CERS6: variants seen among roughly 807,000 people sequenced by gnomAD.
CERS6 encodes the protein LAG1 homolog, ceramide synthase 6.
In CERS6, 26 loss-of-function variants were observed where a neutral mutation model predicts 56.8. That is an observed-to-expected ratio of 0.46 (90% confidence interval 0.34 to 0.63). The LOEUF is 0.63. Ranked by LOEUF, CERS6 falls within the 30% of genes least tolerant of loss-of-function variation. The probability of loss-of-function intolerance (pLI) is 0.01; values close to 1 mark genes in which losing one functional copy is unlikely to be tolerated. For missense variants in CERS6, 415 were observed against 467.5 expected (o/e 0.89, Z 1.04); for synonymous variants, 164 against 173.3 (o/e 0.95, Z 0.42).
rs552878785 is a variant in CERS6, at chr2:168,649,776, C to A, written c.465+18734C>A. Among the ~76,000 whole-genome samples the A allele has an allele frequency of 5.9e-5, 9 of 151,878 alleles. No individual in the cohort carries two copies. The South Asian group carries it at 1.2e-3, about 21-fold the overall frequency. On this transcript the variant is annotated intron_variant, in intron 4 of 9. Coordinates refer to ENST00000305747, the MANE Select transcript of CERS6 (RefSeq NM_203463.3). ...TCTTCCCTCCCCTCCTCCCTCTGGG[C>A]TATCCCAAGTCCCTGCCCTCCCCTA...
At chr2:168,681,788 C>A (rs578168932) in intron 4 of CERS6, among the ~76,000 whole-genome samples, 1 of 152,162 alleles carries the variant, frequency 6.6e-6, no homozygotes, top group Non-Finnish European at 1.5e-5. Context: ...GGCTAACCCC[C>A]TCCCCTTACC....
At chr2:168,593,844 C>G (rs1013521580) in intron 3 of CERS6, among the ~76,000 whole-genome samples, 3 of 152,210 alleles carry the variant, frequency 2.0e-5, no homozygotes, top group African/African-American at 7.2e-5. Context: ...GAACCCTAAA[C>G]TAAGTCTCCT....
At chr2:168,659,964 T>C (rs1685586390) in intron 4 of CERS6, among the ~76,000 whole-genome samples, 1 of 152,206 alleles carries the variant, frequency 6.6e-6, no homozygotes, top group African/African-American at 2.4e-5. Context: ...TATTTTATAC[T>C]AAAGAGAGGA....
intron 3 of CERS6, among the ~76,000 whole-genome samples, chr2:168,573,677 A>G (rs1165934809): frequency 2.0e-5 from 3 of 151,932 alleles, no homozygotes; most frequent in African/African-American, 4.8e-5. Context: ...GGTGCTCATT[A>G]TCAGTGGAAC....
At chr2:168,644,399 C>A in intron 4 of CERS6, 16 of 974,614 alleles carry the variant, frequency 1.6e-5, no homozygotes, top group Non-Finnish European at 2.0e-5. Context: ...TGATGAGAGG[C>A]AAGTGAGGCA....
chr2:168,460,176 C>T (rs1452329439), intron 1 of CERS6, among the ~76,000 whole-genome samples: 1 of 151,916 alleles, frequency 6.6e-6, no homozygotes, highest in African/African-American at 2.4e-5. Context: ...AACTTTGAAG[C>T]GGCTGAATGT....
intron 3 of CERS6, among the ~76,000 whole-genome samples, chr2:168,630,434 A>G (rs1033630523): frequency 2.6e-5 from 4 of 152,128 alleles, no homozygotes; most frequent in African/African-American, 9.7e-5. Context: ...GCTAGACCAT[A>G]AGTTTGGCAT....
intron 1 of CERS6, among the ~76,000 whole-genome samples, chr2:168,487,828 C>G (rs1427830778): frequency 6.6e-6 from 1 of 152,168 alleles, no homozygotes; most frequent in Non-Finnish European, 1.5e-5. Flanking sequence ...TCAACCAGTC[C>G]TCCTGCCTCA....
At position 168,667,671 on chromosome 2, in the gene CERS6, T is replaced by G. The variant is rs79555831; in HGVS notation, c.466-23363T>G. Among the ~76,000 whole-genome samples, 505 of 152,312 alleles carry G rather than the reference T, an allele frequency of 3.3e-3. 5 individuals are homozygous for G. Among genetic ancestry groups the G allele is most frequent in the African/African-American group, 0.012 (493 of 41,558 alleles). On this transcript the variant is annotated intron_variant, in intron 4 of 9. Transcript: ENST00000305747. ...CAACTCGGAGTCATCATTGATTCCTTTCTGTGTTCCAGATAAGGAAAATGG... is the reference window on the plus strand; with the variant it reads ...CAACTCGGAGTCATCATTGATTCCTGTCTGTGTTCCAGATAAGGAAAATGG...
At chr2:168,480,626 A>G (rs1416249938) in intron 1 of CERS6, among the ~76,000 whole-genome samples, 1 of 152,180 alleles carries the variant, frequency 6.6e-6, no homozygotes, top group Non-Finnish European at 1.5e-5. Context: ...GTGCATATCT[A>G]GAGCCACTAA....
At chr2:168,520,427 A>G (rs1235317142) in intron 1 of CERS6, among the ~76,000 whole-genome samples, 1 of 151,824 alleles carries the variant, frequency 6.6e-6, no homozygotes, top group African/African-American at 2.4e-5. Context: ...GAAGCTCTTT[A>G]GTTTAATTAG....
intron 3 of CERS6, among the ~76,000 whole-genome samples, chr2:168,616,878 A>G (rs548235962): frequency 6.6e-6 from 1 of 152,054 alleles, no homozygotes; most frequent in East Asian, 2.0e-4. Flanking sequence ...ACCCTGGAAC[A>G]AATGGACTTA....
intron 1 of CERS6, among the ~76,000 whole-genome samples, chr2:168,538,455 T>C (rs75824708): frequency 0.02 from 3,106 of 152,292 alleles, 119 homozygotes; most frequent in East Asian, 0.18. Context: ...CCCCCACTTA[T>C]CTTTCTAGTT....
chr2:168,622,296 A>G (rs1442343558), intron 3 of CERS6, among the ~76,000 whole-genome samples: 1 of 152,258 alleles, frequency 6.6e-6, no homozygotes, highest in African/African-American at 2.4e-5. Flanking sequence ...TAATGTTTTA[A>G]GAACGTTTAC....
At chr2:168,498,863 A>T (rs1450899383) in intron 1 of CERS6, among the ~76,000 whole-genome samples, 3 of 152,154 alleles carry the variant, frequency 2.0e-5, no homozygotes. Flanking sequence ...GGAGGGAAGA[A>T]AGCCTAATTG....
At chr2:168,617,703 G>A (rs901083738) in intron 3 of CERS6, among the ~76,000 whole-genome samples, 4 of 151,690 alleles carry the variant, frequency 2.6e-5, no homozygotes, top group Admixed American at 6.5e-5. Context: ...CACCCTGAAC[G>A]GACCAATAAC....
intron 1 of CERS6, among the ~76,000 whole-genome samples, chr2:168,485,642 G>A (rs13402102): frequency 0.077 from 11,776 of 152,146 alleles, 509 homozygotes; most frequent in East Asian, 0.18. Flanking sequence ...TTAGCAATAT[G>A]CATTTAAGGT....
At chr2:168,619,361 C>CT (rs1684405589) in intron 3 of CERS6, among the ~76,000 whole-genome samples, 1 of 152,024 alleles carries the variant, frequency 6.6e-6, no homozygotes, top group Non-Finnish European at 1.5e-5. Context: ...ATGGCTGGGA[C>CT]TTAATTAAAC....
In CERS6 at chr2:168,494,924, C is replaced by A. The variant is rs528604669; in HGVS notation, c.170+38306C>A. ...TGTTCCTTATAGATAAGGAATGAAT[C>A]TCTGGGTTGGCTACTCCTGGATTCC... On this transcript the variant is annotated intron_variant, in intron 1 of 9. Coordinates refer to ENST00000305747, the MANE Select transcript of CERS6 (RefSeq NM_203463.3). Among the ~76,000 whole-genome samples, 4 of 152,234 alleles carry A rather than the reference C, an allele frequency of 2.6e-5. No homozygotes were observed. In the South Asian group the frequency reaches 8.3e-4, roughly 32 times the overall value.
Sources: allele counts gnomAD v4.1 joint callset (sites outside exome capture counted in the v4.1 genomes callset), GRCh38; gene constraint gnomAD v4.1.1; transcripts MANE v1.5; gene names NCBI Gene and HGNC (gene_info 2026-07-23, HGNC 2026-07-21).